The following ABCB1 variants were observed in gnomAD, a reference collection of about 807,000 sequenced individuals.
ABCB1 encodes ATP binding cassette subfamily B member 1, also known as ATP-dependent translocase ABCB1.
ABCB1 carries 69 observed loss-of-function variants against 142.0 expected under a neutral mutation model. The observed-to-expected ratio is 0.49, with a 90% CI of 0.40 to 0.59. The LOEUF is 0.59. ABCB1 is among the 20% of genes least tolerant of loss of function. The probability of loss-of-function intolerance (pLI) is 0.00; values close to 1 mark genes in which losing one functional copy is unlikely to be tolerated. For missense variants in ABCB1, 1,326 were observed against 1,554.7 expected, an observed-to-expected ratio of 0.85 and a Z score of 2.47; for synonymous variants, 532 against 539.2, an observed-to-expected ratio of 0.99 and a Z score of 0.18.
chr7:87,515,920 T>C (rs1815224844), intron 24 of ABCB1, among the ~76,000 whole-genome samples: 1 of 152,178 alleles, frequency 6.6e-6, no homozygotes, highest in African/African-American at 2.4e-5. Flanking sequence ...ATTTAATAAA[T>C]GAGATCTAAA....
At chr7:87,619,538 CAA>C (rs397829281) in intron 1 of ABCB1, among the ~76,000 whole-genome samples, 23 of 77,674 alleles carry the variant, frequency 3.0e-4, no homozygotes, top group Admixed American at 4.3e-4. Flanking sequence ...AACTCCATCT[CAA>C]AAAAAAAAAA....
chr7:87,646,343 C>T (rs1287401412), intron 1 of ABCB1, among the ~76,000 whole-genome samples: 7 of 152,054 alleles, frequency 4.6e-5, no homozygotes, highest in African/African-American at 1.7e-4. Context: ...AGTGTTATTC[C>T]TGGAGAACAT....
intron 1 of ABCB1, chr7:87,628,591 GTGTGTGTGT>G: frequency 1.4e-5 from 1 of 70,994 alleles, no homozygotes; most frequent in Non-Finnish European, 2.8e-5. Context: ...GTGCGTGTGT[GTGTGTGTGT>G]GTGTGTGTGT....
At position 87,568,242 on chromosome 7, in the gene ABCB1, C is replaced by CAATAATAATAATAACAATAACAAT. The variant is rs1554435537; in HGVS notation, c.339-1267_339-1266insATTGTTATTGTTATTATTATTATT. ...AATCCCGTCTCTACTAAAAATACGA[C>CAATAATAATAATAACAATAACAAT]AATAATAATAATAATAATAATAATA... On this transcript the variant is annotated intron_variant, in intron 5 of 27. Transcript: ENST00000622132. Among the ~76,000 whole-genome samples the CAATAATAATAATAACAATAACAAT allele has an allele frequency of 1.3e-4, 18 of 135,956 alleles. No homozygotes were observed. The East Asian group carries it at 4.0e-3, about 30-fold the overall frequency. 89.2% of individuals were successfully genotyped at this position (135,956 alleles called of 152,430 possible).
rs78365005 is a variant in ABCB1, at chr7:87,709,266, G to T, written c.-331+3895C>A. 1.9e-5 allele frequency: 19 copies of T among 985,222 alleles called. No homozygotes were observed. In the East Asian group the frequency reaches 2.2e-3, roughly 112 times the overall value. 61.0% of individuals were successfully genotyped at this position (985,222 alleles called of 1,614,324 possible). A position where few individuals can be genotyped will look rare whatever the true frequency, so the allele number is the denominator to read the frequency against. ...TAGTCTCCTGTGCTGAATTGTCTCTGGAGAGCAACTTTCTTGACTTCATTG... is the reference window on the plus strand; with the variant it reads ...TAGTCTCCTGTGCTGAATTGTCTCTTGAGAGCAACTTTCTTGACTTCATTG... On this transcript the variant is annotated intron_variant, in intron 1 of 28. Coordinates refer to the ABCB1 transcript ENST00000265724.
At position 87,566,139 on chromosome 7, in the gene ABCB1, A is replaced by G; in HGVS notation, c.633T>C (p.Gly211=). ...FTGFIVGFTR[G]WKLTLVILAI... ...CCAAAATCACAAGGGTTAGCTTCCA[A>G]CCACGTGTAAATCCTACTATAAACC... Residue 211 remains glycine (G), a synonymous_variant, in exon 7 of 28, where the codon GGT becomes GGC. Transcript: ENST00000622132. 1 of 1,614,186 alleles carries G rather than the reference A, an allele frequency of 6.2e-7. No individual in the cohort carries two copies. Among genetic ancestry groups the G allele is most frequent in the Non-Finnish European group, 8.5e-7 (1 of 1,180,032 alleles).
intron 1 of ABCB1, among the ~76,000 whole-genome samples, chr7:87,710,824 A>C (rs1319443926): frequency 6.6e-6 from 1 of 152,168 alleles, no homozygotes; most frequent in Non-Finnish European, 1.5e-5. Context: ...GTAATTTGTC[A>C]ACTAAACATA....
chr7:87,593,566 T>A (rs1819080616), intron 3 of ABCB1, among the ~76,000 whole-genome samples: 1 of 152,206 alleles, frequency 6.6e-6, no homozygotes, highest in Admixed American at 6.5e-5. Flanking sequence ...TTGGGGAGGA[T>A]TACCACCATT....
intron 15 of ABCB1, 63 bp downstream of exon 15, chr7:87,545,800 C>T (rs1193224911): frequency 6.6e-7 from 1 of 1,524,258 alleles, no homozygotes; most frequent in Non-Finnish European, 9.0e-7. Flanking sequence ...TTATTTTTAG[C>T]ATTAAATGCA....
chr7:87,656,042 C>G (rs1036256659), intron 1 of ABCB1, among the ~76,000 whole-genome samples: 3 of 152,052 alleles, frequency 2.0e-5, no homozygotes, highest in Admixed American at 6.6e-5. Flanking sequence ...GTGCTTTGAT[C>G]TTGGACTTCC....
At chr7:87,711,156 G>A (rs940011183) in intron 1 of ABCB1, among the ~76,000 whole-genome samples, 8 of 151,710 alleles carry the variant, frequency 5.3e-5, no homozygotes, top group South Asian at 2.1e-4. Flanking sequence ...GATAAACCCC[G>A]TCTCTACTCA....
chr7:87,568,154 G>A (rs975051439), intron 5 of ABCB1, among the ~76,000 whole-genome samples: 2 of 148,516 alleles, frequency 1.3e-5, no homozygotes, highest in Non-Finnish European at 3.0e-5. Context: ...CCAGCACTTC[G>A]GGAGGCCAAG....
rs370887496 is a variant in ABCB1 at position 87,687,072 on chromosome 7, G to A, written c.-331+26089C>T. Among the ~76,000 whole-genome samples the A allele has an allele frequency of 1.8e-4, 27 of 152,138 alleles. No homozygotes were observed. The South Asian group carries it at 2.7e-3, about 15-fold the overall frequency. The stretch of plus-strand genomic sequence containing the variant: ...TAAATGTAAGACACTGTTAAATTGC[G>A]TATAATTTAATCTGCTAATTATACT... On this transcript the variant is annotated intron_variant, in intron 1 of 28. Coordinates refer to the ABCB1 transcript ENST00000265724.
At chr7:87,519,583 T>C in intron 22 of ABCB1, 117 bp from the exon 23 acceptor site, 1 of 1,209,492 alleles carries the variant, frequency 8.3e-7, no homozygotes, top group African/African-American at 1.5e-5. Flanking sequence ...GGGTTTCGTT[T>C]CCAAAGAACT....
chr7:87,672,325 C>T (rs1051786609), intron 1 of ABCB1, among the ~76,000 whole-genome samples: 1 of 152,198 alleles, frequency 6.6e-6, no homozygotes. Context: ...TCAGCTTGGA[C>T]TCTCCAAAGC....
At chr7:87,529,587 C>T (rs919539057) in intron 21 of ABCB1, among the ~76,000 whole-genome samples, 2 of 152,216 alleles carry the variant, frequency 1.3e-5, no homozygotes, top group Non-Finnish European at 2.9e-5. Flanking sequence ...TCATGTGTCA[C>T]TTCAAAGGTG....
At chr7:87,530,798 C>CAAGAACGCAAGAAAGG in intron 21 of ABCB1, among the ~76,000 whole-genome samples, 1 of 82,942 alleles carries the variant, frequency 1.2e-5, no homozygotes, top group Non-Finnish European at 2.6e-5. Context: ...AGAAAGAAAG[C>CAAGAACGCAAGAAAGG]AAGAAAGCAA....
chr7:87,530,371 G>C (rs1354644828), intron 21 of ABCB1, among the ~76,000 whole-genome samples: 1 of 152,118 alleles, frequency 6.6e-6, no homozygotes, highest in Non-Finnish European at 1.5e-5. Flanking sequence ...CAACTTTGGA[G>C]CACAACTGTC....
chr7:87,700,416 T>C (rs747585392), intron 1 of ABCB1: 1 of 1,594,564 alleles, frequency 6.3e-7, no homozygotes, highest in Non-Finnish European at 8.5e-7. Flanking sequence ...ATTTGTCTCC[T>C]GAAGGTCAAG....
Sources: allele counts gnomAD v4.1 joint callset (sites outside exome capture counted in the v4.1 genomes callset), GRCh38; gene constraint gnomAD v4.1.1; transcripts MANE v1.5; gene names NCBI Gene and HGNC (gene_info 2026-07-23, HGNC 2026-07-21).